Variants in MAMDC2 observed in about 807,000 individuals in gnomAD.
The protein encoded by MAMDC2 is MAM domain containing 2.
Under a neutral mutation model 89.8 loss-of-function variants are expected in MAMDC2, and 57 were observed. The ratio of observed to expected loss-of-function variants is 0.63; its 90% CI spans 0.51 to 0.79. The LOEUF is 0.79. MAMDC2 is among the 30% of genes least tolerant of loss of function. The pLI, the probability that MAMDC2 is intolerant of heterozygous loss-of-function variation, is 0.00. For synonymous variants in MAMDC2, 313 were observed against 293.4 expected, an observed-to-expected ratio of 1.07 and a Z score of -0.68; for missense variants, 800 against 820.6, an observed-to-expected ratio of 0.97 and a Z score of 0.31.
intron 11 of MAMDC2, among the ~76,000 whole-genome samples, chr9:70,181,577 G>T (rs773690179): frequency 1.3e-5 from 2 of 152,028 alleles, no homozygotes; most frequent in Non-Finnish European, 2.9e-5. Context: ...CACATCCCTT[G>T]TAAGTTGTAT....
chr9:70,220,447 T>C (rs755119200), intron 12 of MAMDC2, among the ~76,000 whole-genome samples: 1 of 152,156 alleles, frequency 6.6e-6, no homozygotes, highest in Non-Finnish European at 1.5e-5. Context: ...GTGTTAGTGA[T>C]TCCCTCAGGA....
chr9:70,192,043 C>T (rs1424704041), intron 11 of MAMDC2, among the ~76,000 whole-genome samples: 1 of 152,062 alleles, frequency 6.6e-6, no homozygotes, highest in African/African-American at 2.4e-5. Context: ...GTTTCTCTGC[C>T]ACTTGGCAGC....
chr9:70,090,199 A>T (rs1827859780), intron 2 of MAMDC2, among the ~76,000 whole-genome samples: 1 of 152,196 alleles, frequency 6.6e-6, no homozygotes, highest in South Asian at 2.1e-4. Flanking sequence ...TCATCTGGGC[A>T]TGGTGGCTCA....
At chr9:70,123,510 T>G (rs1180222668) in intron 5 of MAMDC2, among the ~76,000 whole-genome samples, 1 of 152,162 alleles carries the variant, frequency 6.6e-6, no homozygotes, top group African/African-American at 2.4e-5. Context: ...CAGATATGTT[T>G]ATTTGGCGCA....
chr9:70,166,334 C>T (rs1007866040), intron 9 of MAMDC2, among the ~76,000 whole-genome samples: 1 of 149,684 alleles, frequency 6.7e-6, no homozygotes, highest in African/African-American at 2.5e-5. Flanking sequence ...CATATATATA[C>T]ACACATATAT....
chr9:70,055,436 G>C (rs1445335298), intron 2 of MAMDC2, among the ~76,000 whole-genome samples: 1 of 152,182 alleles, frequency 6.6e-6, no homozygotes, highest in Non-Finnish European at 1.5e-5. Context: ...CACCTGGCTT[G>C]AACTTCAAGT....
intron 11 of MAMDC2, among the ~76,000 whole-genome samples, chr9:70,184,815 T>A (rs924147447): frequency 3.3e-5 from 5 of 152,104 alleles, no homozygotes; most frequent in Non-Finnish European, 5.9e-5. Context: ...TTCCTTGCAT[T>A]GGGTTAGAAC....
At chr9:70,119,362 A>G (rs928194412) in intron 5 of MAMDC2, among the ~76,000 whole-genome samples, 4 of 152,180 alleles carry the variant, frequency 2.6e-5, no homozygotes, top group African/African-American at 9.7e-5. Flanking sequence ...TGGTTGGATC[A>G]TCTCTCCATG....
At chr9:70,046,605 GTC>G (rs1164921471) in intron 2 of MAMDC2, among the ~76,000 whole-genome samples, 1 of 152,228 alleles carries the variant, frequency 6.6e-6, no homozygotes, top group Non-Finnish European at 1.5e-5. Context: ...CCCACAGGAA[GTC>G]TCTCTGCTGA....
At position 70,170,620 on chromosome 9, in the gene MAMDC2, C is replaced by A; in HGVS notation, c.1640C>A (p.Thr547Asn). The change falls in exon 11 of 14, where the codon ACT becomes AAT. Residue 547 changes from threonine (T) to asparagine (N), a missense_variant. Thr to Asn is a moderately conservative substitution (Grantham distance 65). Coordinates refer to ENST00000377182, the MANE Select transcript of MAMDC2 (RefSeq NM_153267.5). ...TSYTGPKGDH[T>N]TGVGYYMYIE... Reference sequence around the variant, plus strand: ...TACACAGGACCAAAGGGAGATCACACTACTGGGGTAGGTGAGTTATGCCAC... The same window carrying A: ...TACACAGGACCAAAGGGAGATCACAATACTGGGGTAGGTGAGTTATGCCAC... The A allele has an allele frequency of 6.2e-7, 1 of 1,600,772 alleles. No homozygotes were observed. The highest frequency in any genetic ancestry group is 8.5e-7 in the Non-Finnish European group (1 of 1,175,142).
chr9:70,082,198 C>T (rs1458968635), intron 2 of MAMDC2: 1 of 152,096 alleles, frequency 6.6e-6, no homozygotes, highest in East Asian at 1.9e-4. Context: ...AGTTTACAAC[C>T]AGCCTGGGCA....
chr9:70,103,156 CATTCAGGAGCATGT>C (rs773913482), intron 2 of MAMDC2, among the ~76,000 whole-genome samples: 4 of 152,086 alleles, frequency 2.6e-5, no homozygotes, highest in Non-Finnish European at 4.4e-5. Context: ...AGGCTTATAA[CATTCAGGAGCATGT>C]ATTCAAGAAA....
In MAMDC2 at chr9:70,147,350, C is replaced by T. The variant is rs562639916; in HGVS notation, c.1404+3531C>T. On this transcript the variant is annotated intron_variant, in intron 9 of 13. Coordinates refer to ENST00000377182, the MANE Select transcript of MAMDC2 (RefSeq NM_153267.5). Reference sequence around the variant, plus strand: ...TTTCTTCCTGATTCACTGATGGCTTCCTCTATAACTCTATATTTCCACCTC... The same window carrying T: ...TTTCTTCCTGATTCACTGATGGCTTTCTCTATAACTCTATATTTCCACCTC... 8.8e-4 allele frequency among the ~76,000 whole-genome samples: 132 copies of T among 150,270 alleles called. 7 individuals carry two copies. Among genetic ancestry groups the T allele is most frequent in the Non-Finnish European group, 1.2e-3 (80 of 67,496 alleles).
intron 2 of MAMDC2, among the ~76,000 whole-genome samples, chr9:70,093,594 T>G (rs1221991795): frequency 6.8e-6 from 1 of 147,192 alleles, no homozygotes; most frequent in Non-Finnish European, 1.5e-5. Context: ...CCCGGCTAAT[T>G]TTTTTTTTTT....
At position 70,226,503 on chromosome 9, in the gene MAMDC2, A is replaced by ATGAGT. The variant is rs1441528640; in HGVS notation, c.*473_*477dup. 6.6e-6 allele frequency: 1 copy of ATGAGT among 152,600 alleles called. No individual in the cohort carries two copies. Among genetic ancestry groups the ATGAGT allele is most frequent in the Non-Finnish European group, 1.5e-5 (1 of 68,014 alleles). 9.5% of individuals were successfully genotyped at this position (152,600 alleles called of 1,614,324 possible). A position where few individuals can be genotyped will look rare whatever the true frequency, so the allele number is the denominator to read the frequency against. ...AGAATGAATGCAGTCTTTCATGCTA[A>ATGAGT]TGAGTTAGTCTGGAAAAATAAAGTC... On this transcript the variant is annotated 3_prime_UTR_variant, in exon 14 of 14. Transcript: ENST00000377182.
chr9:70,202,976 T>C (rs1403467083), intron 11 of MAMDC2, among the ~76,000 whole-genome samples: 2 of 152,036 alleles, frequency 1.3e-5, no homozygotes, highest in Non-Finnish European at 2.9e-5. Context: ...GTTTCCTGAA[T>C]ACAGCACACT....
At chr9:70,047,596 C>G in intron 2 of MAMDC2, among the ~76,000 whole-genome samples, 1 of 150,364 alleles carries the variant, frequency 6.7e-6, no homozygotes, top group Non-Finnish European at 1.5e-5. Context: ...TTTATCCAGT[C>G]TATCACTGAT....
At chr9:70,089,860 G>C (rs1446081412) in intron 2 of MAMDC2, among the ~76,000 whole-genome samples, 2 of 152,130 alleles carry the variant, frequency 1.3e-5, no homozygotes, top group African/African-American at 4.8e-5. Flanking sequence ...AATGGTAGCT[G>C]TTATAGTTGT....
chr9:70,077,303 T>G (rs1052125020), intron 2 of MAMDC2, among the ~76,000 whole-genome samples: 2 of 152,194 alleles, frequency 1.3e-5, no homozygotes, highest in Non-Finnish European at 2.9e-5. Flanking sequence ...CTTGACACTT[T>G]AATTGTTCTA....
Sources: allele counts gnomAD v4.1 joint callset (sites outside exome capture counted in the v4.1 genomes callset), GRCh38; gene constraint gnomAD v4.1.1; transcripts MANE v1.5; gene names NCBI Gene and HGNC (gene_info 2026-07-23, HGNC 2026-07-21).